HMOX2: variants seen among roughly 807,000 people sequenced by gnomAD.
HMOX2 encodes the protein heme oxygenase 2.
Under a neutral mutation model 33.7 loss-of-function variants are expected in HMOX2, and 30 were observed. The ratio of observed to expected loss-of-function variants is 0.89; its 90% CI spans 0.67 to 1.21. HMOX2 has a LOEUF of 1.21. Among genes scored for constraint, HMOX2 ranks in the 50% most tolerant of loss-of-function variants. HMOX2 has a pLI of 0.00. For missense variants in HMOX2, 403 were observed against 399.1 expected (o/e 1.01, Z -0.08); for synonymous variants, 155 against 155.0 (o/e 1.00, Z 0.00).
intron 1 of HMOX2, among the ~76,000 whole-genome samples, chr16:4,481,496 G>A (rs1256771032): frequency 6.6e-6 from 1 of 152,138 alleles, no homozygotes; most frequent in Non-Finnish European, 1.5e-5. Context: ...GCATACAGGT[G>A]TACTGAAAGA....
chr16:4,485,520 T>A (rs1026022576), intron 1 of HMOX2, among the ~76,000 whole-genome samples: 1 of 151,338 alleles, frequency 6.6e-6, no homozygotes, highest in African/African-American at 2.4e-5. Context: ...AGTTAAAGAG[T>A]GGAGAAATGG....
At chr16:4,493,566 T>C (rs1413647644) in intron 1 of HMOX2, among the ~76,000 whole-genome samples, 1 of 152,334 alleles carries the variant, frequency 6.6e-6, no homozygotes, top group Non-Finnish European at 1.5e-5. Context: ...CAGGGTTTGC[T>C]CTTGGTTGTG....
At chr16:4,476,648 G>C (rs2057851029) in intron 1 of HMOX2, 161 bp downstream of exon 1, 1 of 152,436 alleles carries the variant, frequency 6.6e-6, no homozygotes, top group South Asian at 2.1e-4. Context: ...GACCCGGCCG[G>C]GGGCGGCCGG....
At chr16:4,506,263 CAT>C (rs1026503429) in intron 2 of HMOX2, among the ~76,000 whole-genome samples, 27 of 152,162 alleles carry the variant, frequency 1.8e-4, no homozygotes, top group African/African-American at 5.1e-4. Context: ...TTTAGGATCA[CAT>C]GTTTTCTACC....
At chr16:4,501,162 C>G (rs796924170) in intron 1 of HMOX2, among the ~76,000 whole-genome samples, 22 of 152,226 alleles carry the variant, frequency 1.4e-4, no homozygotes, top group African/African-American at 5.3e-4. Flanking sequence ...CTTCCCCTCC[C>G]TCTTCCCTTT....
At chr16:4,503,444 A>G (rs1218324179) in intron 1 of HMOX2, among the ~76,000 whole-genome samples, 2 of 152,212 alleles carry the variant, frequency 1.3e-5, no homozygotes, top group South Asian at 2.1e-4. Flanking sequence ...TGCATCGTAC[A>G]GTTCATCAGC....
chr16:4,482,196 C>A (rs766399885), intron 1 of HMOX2, among the ~76,000 whole-genome samples: 1 of 152,120 alleles, frequency 6.6e-6, no homozygotes, highest in African/African-American at 2.4e-5. Context: ...TGTTCAGTGT[C>A]ATATTTGTCC....
chr16:4,503,377 C>G (rs554386390), intron 1 of HMOX2, among the ~76,000 whole-genome samples: 1 of 152,202 alleles, frequency 6.6e-6, no homozygotes, highest in Non-Finnish European at 1.5e-5. Flanking sequence ...AAGCCCTCTG[C>G]ATACTCTTCC....
At chr16:4,509,350 TAAAAA>T in intron 4 of HMOX2, 57 bp from the exon 5 acceptor site, 2 of 1,377,330 alleles carry the variant, frequency 1.5e-6, no homozygotes, top group Non-Finnish European at 9.9e-7. Context: ...AAAAGACATT[TAAAAA>T]AAAAAAAAAA....
intron 1 of HMOX2, among the ~76,000 whole-genome samples, chr16:4,489,410 G>T (rs964202855): frequency 6.6e-6 from 1 of 151,972 alleles, no homozygotes; most frequent in Admixed American, 6.6e-5. Context: ...TCAGCCTCGC[G>T]AGTAGCTGGG....
In HMOX2 at chr16:4,486,166, C is replaced by T. The variant is rs114321573; in HGVS notation, c.-42+9679C>T. Among the ~76,000 whole-genome samples, 160 of 152,334 alleles carry T rather than the reference C, an allele frequency of 1.1e-3. 1 individual carries two copies. The highest frequency in any genetic ancestry group is 3.8e-3 in the African/African-American group (156 of 41,588). On this transcript the variant is annotated intron_variant, in intron 1 of 5. Coordinates refer to ENST00000570646, the MANE Select transcript of HMOX2 (RefSeq NM_002134.4). Reference sequence around the variant, plus strand: ...TCTTCCCATCTTCAAAAGTACACATCTCTTAATTTGTGTCTTCAAACACAA... The same window carrying T: ...TCTTCCCATCTTCAAAAGTACACATTTCTTAATTTGTGTCTTCAAACACAA...
At chr16:4,507,669 T>G in intron 3 of HMOX2, 44 bp from the exon 4 acceptor site, 2 of 1,589,512 alleles carry the variant, frequency 1.3e-6, no homozygotes, top group Non-Finnish European at 1.7e-6. Flanking sequence ...TGCTCGGATG[T>G]GGTGTGCTCA....
At position 4,509,863 on chromosome 16, in the gene HMOX2, T is replaced by C; in HGVS notation, c.*107T>C. On this transcript the variant is annotated 3_prime_UTR_variant, in exon 6 of 6. Transcript: ENST00000570646. ...CCTCAGGTGACTTTTTAAAAAATGC[T>C]GGGTTTAAGAAAGGCAACCAATAAA... is the stretch of plus-strand genomic sequence containing the variant. 7.5e-7 allele frequency: 1 copy of C among 1,335,234 alleles called. No homozygotes were observed. The highest frequency in any genetic ancestry group is 1.0e-6 in the Non-Finnish European group (1 of 986,882). The allele number at this position is 1,335,234 out of a possible 1,614,324, so 82.7% of individuals were successfully genotyped here. A position where few individuals can be genotyped will look rare whatever the true frequency, so the allele number is the denominator to read the frequency against.
chr16:4,476,003 G>A (rs764640898), upstream of HMOX2: 1 of 152,250 alleles, frequency 6.6e-6, no homozygotes, highest in East Asian at 1.9e-4. Flanking sequence ...GCAACAGGGA[G>A]ATCAGATACA....
At chr16:4,492,504 G>A (rs1185680144) in intron 1 of HMOX2, among the ~76,000 whole-genome samples, 2 of 151,900 alleles carry the variant, frequency 1.3e-5, no homozygotes, top group African/African-American at 4.8e-5. Context: ...CAGATCACGA[G>A]GTCAAGAGAT....
chr16:4,481,791 T>G (rs1179808366), intron 1 of HMOX2: 1 of 152,192 alleles, frequency 6.6e-6, no homozygotes, highest in African/African-American at 2.4e-5. Flanking sequence ...TCATCTTCAG[T>G]AGTTACTTGA....
In HMOX2 at chr16:4,507,940, C is replaced by G; in HGVS notation, c.432C>G (p.Asn144Lys). ...YVERIHYIGQ[N>K]EPELLVAHAY... ...AGCGGATCCACTACATAGGGCAGAA[C>G]GAGCCGGAGCTACTGGTGGCCCATG... Residue 144 changes from asparagine (N) to lysine (K), a missense_variant, in exon 4 of 6, where the codon AAC (asparagine) becomes AAG (lysine). Transcript: ENST00000570646. 1 of 1,613,816 alleles carries G rather than the reference C, an allele frequency of 6.2e-7. No homozygotes were observed. The highest frequency in any genetic ancestry group is 8.5e-7 in the Non-Finnish European group (1 of 1,179,942).
intron 1 of HMOX2, among the ~76,000 whole-genome samples, chr16:4,482,944 C>T (rs939587884): frequency 1.3e-5 from 2 of 151,934 alleles, no homozygotes; most frequent in Admixed American, 6.6e-5. Flanking sequence ...GCAGGAAAAT[C>T]GCTTGGACCC....
chr16:4,475,394 G>T (rs2057791967), upstream of HMOX2, among the ~76,000 whole-genome samples: 5 of 151,694 alleles, frequency 3.3e-5, no homozygotes, highest in South Asian at 1.0e-3. Context: ...TGCAACTTCC[G>T]CCTCTTGGGT....
Sources: allele counts gnomAD v4.1 joint callset (sites outside exome capture counted in the v4.1 genomes callset), GRCh38; gene constraint gnomAD v4.1.1; transcripts MANE v1.5; gene names NCBI Gene and HGNC (gene_info 2026-07-23, HGNC 2026-07-21).